FOXN3: variants seen among roughly 807,000 people sequenced by gnomAD.
FOXN3 encodes forkhead box protein N3.
A neutral mutation model predicts 38.4 loss-of-function variants in FOXN3; 7 were observed. That is an observed-to-expected ratio of 0.18 (90% confidence interval 0.10 to 0.34). FOXN3 has a LOEUF of 0.34. FOXN3 is among the 10% of genes least tolerant of loss of function. The pLI, the probability that FOXN3 is intolerant of heterozygous loss-of-function variation, is 1.00. For missense variants in FOXN3, 456 were observed against 613.4 expected (o/e 0.74, Z 2.71); for synonymous variants, 230 against 242.2 (o/e 0.95, Z 0.47).
At chr14:89,471,154 T>C (rs1893087083) in intron 1 of FOXN3, among the ~76,000 whole-genome samples, 5 of 152,138 alleles carry the variant, frequency 3.3e-5, no homozygotes, top group Admixed American at 3.3e-4. Context: ...GCACAGTATG[T>C]TTGCTTGAGT....
At chr14:89,324,047 T>C (rs2139976175) in intron 3 of FOXN3, among the ~76,000 whole-genome samples, 1 of 152,254 alleles carries the variant, frequency 6.6e-6, no homozygotes, top group East Asian at 1.9e-4. Flanking sequence ...GCAACAGACA[T>C]CATATAGACA....
At chr14:89,279,147 C>T (rs953497282) in intron 4 of FOXN3, among the ~76,000 whole-genome samples, 4 of 152,140 alleles carry the variant, frequency 2.6e-5, no homozygotes, top group African/African-American at 7.2e-5. Flanking sequence ...AAGCTCTCAT[C>T]AAGATTCTTC....
At chr14:89,222,386 T>C (rs1884495530) in intron 4 of FOXN3, among the ~76,000 whole-genome samples, 1 of 152,082 alleles carries the variant, frequency 6.6e-6, no homozygotes, top group Non-Finnish European at 1.5e-5. Flanking sequence ...TGGATTCTAA[T>C]GGAAAGACGC....
chr14:89,456,116 C>T (rs1329349572), intron 1 of FOXN3, among the ~76,000 whole-genome samples: 1 of 150,450 alleles, frequency 6.6e-6, no homozygotes, highest in South Asian at 2.1e-4. Flanking sequence ...ATTGCTTGAA[C>T]CTGGGAGGCG....
At chr14:89,414,067 C>A (rs924114922) in intron 1 of FOXN3, among the ~76,000 whole-genome samples, 3 of 151,998 alleles carry the variant, frequency 2.0e-5, no homozygotes, top group African/African-American at 7.2e-5. Flanking sequence ...ATAATCCCAT[C>A]ACTTTGGGAG....
At chr14:89,290,506 T>C in intron 3 of FOXN3, 1 of 500,402 alleles carries the variant, frequency 2.0e-6, no homozygotes, top group Non-Finnish European at 3.9e-6. Context: ...GGAATGGAGT[T>C]TACTTTCCCT....
At chr14:89,440,074 G>A (rs1001310175) in intron 1 of FOXN3, among the ~76,000 whole-genome samples, 7 of 152,028 alleles carry the variant, frequency 4.6e-5, no homozygotes, top group East Asian at 1.9e-4. Context: ...TTCCTGTAAC[G>A]GTGCTATTAT....
chr14:89,547,013 G>A (rs1455034353), intron 1 of FOXN3, among the ~76,000 whole-genome samples: 4 of 151,740 alleles, frequency 2.6e-5, no homozygotes, highest in Non-Finnish European at 5.9e-5. Flanking sequence ...TCGAACTCCT[G>A]ACCTTAAGCG....
chr14:89,568,689 C>T (rs781336140), intron 1 of FOXN3, among the ~76,000 whole-genome samples: 8 of 152,182 alleles, frequency 5.3e-5, no homozygotes, highest in Non-Finnish European at 1.2e-4. Flanking sequence ...TGGCAAGGGC[C>T]CCCTCTGGTC....
In FOXN3 at chr14:89,362,746, TCCA is replaced by T. The variant is rs71130063; in HGVS notation, c.544-11941_544-11939del. 2.6e-3 allele frequency among the ~76,000 whole-genome samples: 4 copies of T among 1,564 alleles called. 1 individual carries two copies. The highest frequency in any genetic ancestry group is 4.8e-3 in the Non-Finnish European group (3 of 622). The allele number at this position is 1,564 out of a possible 152,430, so 1.0% of individuals were successfully genotyped here. On this transcript the variant is annotated intron_variant, in intron 2 of 5. Coordinates refer to ENST00000557258, the MANE Select transcript of FOXN3 (RefSeq NM_005197.4). ...CTCCACCACCACCTCCACCACCATC[TCCA>T]CCACCACCACCACCACCACCACCAC...
chr14:89,241,075 A>G (rs1885126787), intron 4 of FOXN3, among the ~76,000 whole-genome samples: 1 of 152,200 alleles, frequency 6.6e-6, no homozygotes, highest in South Asian at 2.1e-4. Context: ...TTTTCCAATT[A>G]GCGCTACCCC....
intron 1 of FOXN3, among the ~76,000 whole-genome samples, chr14:89,481,335 C>T (rs191546098): frequency 8.5e-5 from 13 of 152,254 alleles, no homozygotes; most frequent in East Asian, 1.9e-4. Flanking sequence ...GGGGACCGGA[C>T]GGGAAGTCAG....
intron 4 of FOXN3, among the ~76,000 whole-genome samples, chr14:89,187,955 A>G (rs770518789): frequency 1.3e-5 from 2 of 152,080 alleles, no homozygotes; most frequent in Non-Finnish European, 2.9e-5. Context: ...TAGACTCCCT[A>G]CTTTCTGCCC....
chr14:89,490,662 G>A (rs1315564933), intron 1 of FOXN3, among the ~76,000 whole-genome samples: 1 of 152,206 alleles, frequency 6.6e-6, no homozygotes, highest in East Asian at 1.9e-4. Flanking sequence ...TTTGTTCCAT[G>A]AGTTTAGCCG....
At chr14:89,168,271 A>G (rs1355907494) in intron 5 of FOXN3, among the ~76,000 whole-genome samples, 1 of 152,228 alleles carries the variant, frequency 6.6e-6, no homozygotes, top group Non-Finnish European at 1.5e-5. Context: ...AATACTAGAA[A>G]GGAAGATCAG....
chr14:89,194,935 A>G (rs1206535317), intron 4 of FOXN3, among the ~76,000 whole-genome samples: 1 of 152,212 alleles, frequency 6.6e-6, no homozygotes, highest in African/African-American at 2.4e-5. Context: ...TATATGGAAA[A>G]TAGTTTCCTG....
intron 2 of FOXN3, among the ~76,000 whole-genome samples, chr14:89,358,712 C>G (rs140442277): frequency 6.6e-6 from 1 of 152,226 alleles, no homozygotes; most frequent in South Asian, 2.1e-4. Flanking sequence ...TTCAACACAG[C>G]CAGCTTTCTG....
At chr14:89,604,632 G>A (rs1470267708) in intron 1 of FOXN3, among the ~76,000 whole-genome samples, 1 of 152,200 alleles carries the variant, frequency 6.6e-6, no homozygotes, top group Non-Finnish European at 1.5e-5. Context: ...AGCAGCCTGA[G>A]AATCTTCCAG....
chr14:89,241,002 T>C lies in FOXN3; in HGVS notation c.745+39948A>G, dbSNP rs560005624. On this transcript the variant is annotated intron_variant, in intron 4 of 5. Transcript: ENST00000557258. ...ACTTGCCACCCACAATAATCACTCTTGGAAAAACTGCACCCACTTCCCAGT... is the reference window on the plus strand; with the variant it reads ...ACTTGCCACCCACAATAATCACTCTCGGAAAAACTGCACCCACTTCCCAGT... 7.2e-5 allele frequency among the ~76,000 whole-genome samples: 11 copies of C among 152,274 alleles called. No homozygotes were observed. In the East Asian group the frequency reaches 1.9e-3, roughly 27 times the overall value.
Sources: gnomAD v4.1 joint callset for allele counts (sites outside exome capture counted in the v4.1 genomes callset) on GRCh38, gnomAD v4.1.1 for gene constraint, MANE v1.5 for transcripts, NCBI Gene and HGNC (gene_info 2026-07-23, HGNC 2026-07-21) for gene names.